Variants in MYCBPAP observed in about 807,000 individuals in gnomAD.
MYCBPAP encodes the protein MYCBP-associated protein.
Under a neutral mutation model 106.1 loss-of-function variants are expected in MYCBPAP, and 60 were observed. The ratio of observed to expected loss-of-function variants is 0.57; its 90% CI spans 0.46 to 0.70. The LOEUF is 0.70. Ranked by LOEUF, MYCBPAP falls within the 30% of genes least tolerant of loss-of-function variation. The pLI is 0.00. For missense variants in MYCBPAP, 1,064 were observed against 1,169.3 expected (o/e 0.91, Z 1.31); for synonymous variants, 407 against 440.6 (o/e 0.92, Z 0.95).
chr17:50,529,062 A>C lies in MYCBPAP; in HGVS notation c.2598A>C (p.Lys866Asn). 2 of 1,614,170 alleles carry C rather than the reference A, an allele frequency of 1.2e-6. No homozygotes were observed. The highest frequency in any genetic ancestry group is 1.7e-6 in the Non-Finnish European group (2 of 1,180,026). The stretch of plus-strand genomic sequence containing the variant: ...AGCACAAGGCAAAGGATGACAAGAA[A>C]GTCATAAAATCTGCAAGTCAGGACA... ...SKKHKAKDDKKVIKSASQDRF... is the reference protein window; with the variant it reads ...SKKHKAKDDKNVIKSASQDRF... The change falls in exon 18 of 19, where the codon AAA becomes AAC. Residue 866 changes from lysine to asparagine, a missense_variant. By Grantham distance (94) the Lys-to-Asn change is moderately conservative (BLOSUM62 0). Transcript: ENST00000323776.
rs2034054976 is a variant in MYCBPAP at position 50,516,464 on chromosome 17, C to G, written c.77-106C>G. The G allele has an allele frequency of 6.0e-6, 8 of 1,341,510 alleles. No individual in the cohort carries two copies. The African/African-American group carries it at 8.9e-5, about 15-fold the overall frequency. The allele number at this position is 1,341,510 out of a possible 1,614,324, so 83.1% of individuals were successfully genotyped here. On this transcript the variant is annotated intron_variant, in intron 1 of 18. Transcript: ENST00000323776. Reference sequence around the variant, plus strand: ...CTATCCAGCTGGTCAGCTCTGCCCCCCACCATGGAGTCTAGTATATATTTT... The same window carrying G: ...CTATCCAGCTGGTCAGCTCTGCCCCGCACCATGGAGTCTAGTATATATTTT...
Position 50,517,648 on chromosome 17 carries a change from G to T in MYCBPAP, c.418G>T (p.Gly140Trp), listed in dbSNP as rs757718267. ...CCAGATCCTGCCCCACCACATCTTG[G>T]GGAGTCTCCAGGATTTTAAGAGAAT... The part of the protein sequence containing the change: ...SDQILPHHIL[G>W]SLQDFKRIAL... Residue 140 changes from glycine to tryptophan, a missense_variant, in exon 4 of 19, where the codon GGG becomes TGG. Transcript: ENST00000323776. The T allele has an allele frequency of 6.2e-7, 1 of 1,614,142 alleles. No individual in the cohort carries two copies. The highest frequency in any genetic ancestry group is 1.7e-5 in the Admixed American group (1 of 60,022).
At chr17:50,510,517 ATATATATATATATATATATG>A (rs1567879323) in intron 1 of MYCBPAP, 2 of 133,328 alleles carry the variant, frequency 1.5e-5, no homozygotes, top group East Asian at 4.3e-4. Context: ...ATATATATAT[ATATATATATATATATATATG>A]TATTTTGAGA....
In MYCBPAP at chr17:50,528,744, T is replaced by C. The variant is rs2034538209; in HGVS notation, c.2457T>C (p.Ala819=). The change falls in exon 17 of 19, where the codon GCT becomes GCC. Residue 819 remains alanine, a synonymous_variant. Transcript: ENST00000323776. ...IMEVKVPVGK[A]GKEERKGAAQ... Reference sequence around the variant, plus strand: ...AAGTGAAGGTACCTGTGGGGAAAGCTGGGAAGGAGGAGCGGAAAGGAGCAG... The same window carrying C: ...AAGTGAAGGTACCTGTGGGGAAAGCCGGGAAGGAGGAGCGGAAAGGAGCAG... 1 of 1,613,686 alleles carries C rather than the reference T, an allele frequency of 6.2e-7. No individual in the cohort carries two copies. Among genetic ancestry groups the C allele is most frequent in the Admixed American group, 1.7e-5 (1 of 59,960 alleles).
chr17:50,517,399 T>C lies in MYCBPAP; in HGVS notation c.311T>C (p.Leu104Pro). ...PMDPRRKVCH[L>P]VARPANPDEA... ...GATCCTAGGAGGAAGGTCTGCCACC[T>C]TGTAGCACGTCCTGCGAATCCTGAT... The change falls in exon 3 of 19, where the codon CTT becomes CCT. Residue 104 changes from leucine (L) to proline (P), a missense_variant. Transcript: ENST00000323776. The C allele has an allele frequency of 1.2e-6, 2 of 1,614,198 alleles. No individual in the cohort carries two copies. Among genetic ancestry groups the C allele is most frequent in the South Asian group, 1.1e-5 (1 of 91,082 alleles).
At chr17:50,525,856 C>A in intron 13 of MYCBPAP, 25 bp from the exon 14 acceptor site, 2 of 1,565,180 alleles carry the variant, frequency 1.3e-6, no homozygotes, top group Non-Finnish European at 8.6e-7. Flanking sequence ...CTCCCCCTCA[C>A]ATGCCTTCCC....
intron 6 of MYCBPAP, chr17:50,519,315 T>G: frequency 1.7e-6 from 1 of 585,772 alleles, no homozygotes; most frequent in South Asian, 2.2e-5. Context: ...GTTATTAGAG[T>G]AGTCTTAGTG....
At chr17:50,513,234 A>AAAT (rs1567881417) in intron 1 of MYCBPAP, among the ~76,000 whole-genome samples, 5 of 150,634 alleles carry the variant, frequency 3.3e-5, no homozygotes, top group Non-Finnish European at 7.4e-5. Flanking sequence ...AAAAAAAAAA[A>AAAT]AAAAAAGCTG....
chr17:50,522,709 A>AAAAAAAAAATATATATATATATATAT, intron 10 of MYCBPAP: 4 of 50,024 alleles, frequency 8.0e-5, no homozygotes, highest in African/African-American at 4.8e-4. Context: ...AAAAAAAAAA[A>AAAAAAAAAATATATATATATATATAT]ATATATATAT....
intron 1 of MYCBPAP, chr17:50,509,894 C>T (rs188305340): frequency 1.3e-5 from 2 of 152,128 alleles, no homozygotes; most frequent in Non-Finnish European, 2.9e-5. Context: ...CTGAGCCAGA[C>T]CAGGGATGGT....
intron 7 of MYCBPAP, 170 bp downstream of exon 7, chr17:50,519,957 T>G: frequency 1.5e-6 from 1 of 674,850 alleles, no homozygotes; most frequent in Non-Finnish European, 2.4e-6. Flanking sequence ...CGGCTCCCTC[T>G]TCTTTTTCTT....
chr17:50,529,228 C>T (rs1469062019), intron 18 of MYCBPAP, 40 bp downstream of exon 18: 1 of 1,581,810 alleles, frequency 6.3e-7, no homozygotes, highest in South Asian at 1.1e-5. Context: ...CTGCCTCCCA[C>T]CTGCCTTATT....
chr17:50,525,984 A>G lies in MYCBPAP; in HGVS notation c.1886A>G (p.His629Arg). ...AEEARPGDKEHVSPIATEKAS... is the reference protein window; with the variant it reads ...AEEARPGDKERVSPIATEKAS... ...GAGGCCAGGCCAGGGGACAAGGAGCACGTCAGCCCCATAGCCACAGAGAAG... is the reference window on the plus strand; with the variant it reads ...GAGGCCAGGCCAGGGGACAAGGAGCGCGTCAGCCCCATAGCCACAGAGAAG... The change falls in exon 14 of 19, where the codon CAC becomes CGC. Residue 629 changes from histidine (H) to arginine (R), a missense_variant. Physicochemically the swap from His to Arg is conservative, Grantham distance 29 (BLOSUM62 0). Coordinates refer to ENST00000323776, the MANE Select transcript of MYCBPAP (RefSeq NM_032133.6). The G allele has an allele frequency of 6.2e-7, 1 of 1,613,864 alleles. No homozygotes were observed. Among genetic ancestry groups the G allele is most frequent in the South Asian group, 1.1e-5 (1 of 91,082 alleles).
chr17:50,527,134 C>T, intron 14 of MYCBPAP, 153 bp from the exon 15 acceptor site: 1 of 1,060,498 alleles, frequency 9.4e-7, no homozygotes, highest in East Asian at 2.5e-5. Flanking sequence ...AGGGGGGTCC[C>T]TGGCTCCCAC....
chr17:50,508,308 G>A (rs986276582), upstream of MYCBPAP: 323 of 445,146 alleles, frequency 7.3e-4, 4 homozygotes, highest in East Asian at 0.013. Context: ...CTACCAGCCA[G>A]CCACTCCCAC....
At chr17:50,518,844 G>C (rs1185344511) in intron 5 of MYCBPAP, 120 bp downstream of exon 5, 1 of 1,469,298 alleles carries the variant, frequency 6.8e-7, no homozygotes, top group Admixed American at 1.9e-5. Flanking sequence ...TCACTCCCAA[G>C]AGTGTCTCAC....
In MYCBPAP at chr17:50,519,347, C is replaced by G. The variant is rs548460025; in HGVS notation, c.768+258C>G. On this transcript the variant is annotated intron_variant, in intron 6 of 18. Coordinates refer to ENST00000323776, the MANE Select transcript of MYCBPAP (RefSeq NM_032133.6). Reference sequence around the variant, plus strand: ...AGTGTTTGTCTCCTAGGAGCTTAGACTGAGTGGAGCCTACACCCTAAAGAG... The same window carrying G: ...AGTGTTTGTCTCCTAGGAGCTTAGAGTGAGTGGAGCCTACACCCTAAAGAG... 2.4e-5 allele frequency: 14 copies of G among 584,872 alleles called. No homozygotes were observed. The African/African-American group carries it at 2.6e-4, about 11-fold the overall frequency. 36.2% of individuals were successfully genotyped at this position (584,872 alleles called of 1,614,324 possible). A position where few individuals can be genotyped will look rare whatever the true frequency, so the allele number is the denominator to read the frequency against.
At chr17:50,524,131 G>C (rs80094834) in intron 12 of MYCBPAP, among the ~76,000 whole-genome samples, 4,575 of 152,334 alleles carry the variant, frequency 0.03, 96 homozygotes, top group Non-Finnish European at 0.047. Context: ...ACACAGTGGA[G>C]TTGCATTTAA....
chr17:50,511,198 C>T (rs576029981), intron 1 of MYCBPAP, among the ~76,000 whole-genome samples: 125 of 151,876 alleles, frequency 8.2e-4, no homozygotes, highest in Non-Finnish European at 1.5e-3. Flanking sequence ...TAACCTTGTG[C>T]GATGTTTCTC....
Sources: allele counts gnomAD v4.1 joint callset (sites outside exome capture counted in the v4.1 genomes callset), GRCh38; gene constraint gnomAD v4.1.1; transcripts MANE v1.5; gene names NCBI Gene and HGNC (gene_info 2026-07-23, HGNC 2026-07-21).